ZMAT3: variants seen among roughly 807,000 people sequenced by gnomAD.
The protein encoded by ZMAT3 is zinc finger matrin-type protein 3.
In ZMAT3, 17 loss-of-function variants were observed where a neutral mutation model predicts 32.3. The observed-to-expected ratio is 0.53, with a 90% CI of 0.36 to 0.79. The LOEUF is 0.79. Among genes scored for constraint, ZMAT3 ranks in the 30% least tolerant of loss-of-function variants. The probability of loss-of-function intolerance (pLI) is 0.00; values close to 1 mark genes in which losing one functional copy is unlikely to be tolerated. For missense variants in ZMAT3, 329 were observed against 359.7 expected (o/e 0.91, Z 0.69); for synonymous variants, 120 against 133.1 (o/e 0.90, Z 0.68).
At chr3:179,056,142 T>C (rs1168182582) in intron 2 of ZMAT3, among the ~76,000 whole-genome samples, 1 of 152,178 alleles carries the variant, frequency 6.6e-6, no homozygotes, top group Non-Finnish European at 1.5e-5. Context: ...CACCTGACTC[T>C]ATTGAAGGCC....
intron 2 of ZMAT3, among the ~76,000 whole-genome samples, chr3:179,051,236 AC>A (rs1217573064): frequency 6.6e-6 from 1 of 152,124 alleles, no homozygotes; most frequent in Non-Finnish European, 1.5e-5. Flanking sequence ...TATCTAGAAA[AC>A]CCTAAAGACT....
chr3:179,056,175 T>G (rs1337638864), intron 2 of ZMAT3, among the ~76,000 whole-genome samples: 1 of 152,158 alleles, frequency 6.6e-6, no homozygotes, highest in Admixed American at 6.5e-5. Context: ...AGGATAAGTT[T>G]ATCACTCAGT....
intron 2 of ZMAT3, among the ~76,000 whole-genome samples, chr3:179,044,735 A>G (rs1379347338): frequency 2.0e-5 from 3 of 152,204 alleles, no homozygotes; most frequent in Non-Finnish European, 2.9e-5. Flanking sequence ...TTGCAGGGAC[A>G]TGGATGGAGC....
intron 2 of ZMAT3, among the ~76,000 whole-genome samples, chr3:179,048,402 C>T (rs1247435617): frequency 6.6e-6 from 1 of 152,196 alleles, no homozygotes; most frequent in Admixed American, 6.5e-5. Flanking sequence ...ATCTTAAGAG[C>T]TGTGAGGCAA....
chr3:179,026,336 TA>T (rs1718866004), intron 5 of ZMAT3, among the ~76,000 whole-genome samples: 1 of 151,600 alleles, frequency 6.6e-6, no homozygotes, highest in Non-Finnish European at 1.5e-5. Context: ...TTATTACAAT[TA>T]TTAATATATG....
At position 179,053,323 on chromosome 3, in the gene ZMAT3, A is replaced by G. The variant is rs537495857; in HGVS notation, c.270+14160T>C. Among the ~76,000 whole-genome samples, 81 of 151,518 alleles carry G rather than the reference A, an allele frequency of 5.3e-4. 1 individual carries two copies. The highest frequency in any genetic ancestry group is 9.9e-4 in the Non-Finnish European group (67 of 67,836). ...TAGAATATCTATAAAATTAGAATCC[A>G]TAAATCCCCAGTAATATAAATAACT... On this transcript the variant is annotated intron_variant, in intron 2 of 5. Coordinates refer to ENST00000311417, the MANE Select transcript of ZMAT3 (RefSeq NM_022470.4).
chr3:179,048,256 A>G (rs928218260), intron 2 of ZMAT3, among the ~76,000 whole-genome samples: 1 of 152,252 alleles, frequency 6.6e-6, no homozygotes, highest in Non-Finnish European at 1.5e-5. Context: ...TAATTGAGGA[A>G]AACTTCCTCA....
chr3:179,028,502 C>A (rs1216017529), intron 3 of ZMAT3, among the ~76,000 whole-genome samples: 1 of 152,170 alleles, frequency 6.6e-6, no homozygotes, highest in Non-Finnish European at 1.5e-5. Context: ...CATATATCAG[C>A]AACAGTTGCA....
rs373798668 is a variant in ZMAT3, at chr3:179,044,367, G to A, written c.271-13368C>T. Among the ~76,000 whole-genome samples, 172 of 152,206 alleles carry A rather than the reference G, an allele frequency of 1.1e-3. 4 individuals carry two copies. The South Asian group carries it at 0.033, about 29-fold the overall frequency. On this transcript the variant is annotated intron_variant, in intron 2 of 5. Coordinates refer to ENST00000311417, the MANE Select transcript of ZMAT3 (RefSeq NM_022470.4). ...ACTGGATGAAGAAAATGTGGTGGCC[G>A]GGCACGGTGGCTCACGCCTGTAATC...
chr3:179,030,565 A>G (rs1719126834), intron 3 of ZMAT3, among the ~76,000 whole-genome samples: 1 of 152,120 alleles, frequency 6.6e-6, no homozygotes, highest in African/African-American at 2.4e-5. Flanking sequence ...CGTGTTAGCC[A>G]TGATGGTCTC....
intron 2 of ZMAT3, among the ~76,000 whole-genome samples, chr3:179,054,798 G>A (rs775774990): frequency 1.3e-5 from 2 of 152,202 alleles, no homozygotes; most frequent in Non-Finnish European, 2.9e-5. Flanking sequence ...TGTCCACTGT[G>A]CTCCTGATCC....
At chr3:179,053,199 TATAAA>T (rs902070074) in intron 2 of ZMAT3, among the ~76,000 whole-genome samples, 11 of 150,620 alleles carry the variant, frequency 7.3e-5, no homozygotes, top group African/African-American at 2.4e-4. Flanking sequence ...TATCTATAGA[TATAAA>T]ATATATCTAG....
At chr3:179,025,350 T>G in intron 5 of ZMAT3, 122 bp from the exon 6 acceptor site, 1 of 819,258 alleles carries the variant, frequency 1.2e-6, no homozygotes, top group Non-Finnish European at 1.9e-6. Context: ...TTCTTAGCTT[T>G]AAGTGAATGT....
chr3:179,036,458 A>G (rs1005588173), intron 2 of ZMAT3, among the ~76,000 whole-genome samples: 2 of 152,178 alleles, frequency 1.3e-5, no homozygotes, highest in African/African-American at 2.4e-5. Flanking sequence ...GGAGACAGAT[A>G]ACAGCTTGCA....
chr3:179,055,394 TAA>T (rs973586262), intron 2 of ZMAT3, among the ~76,000 whole-genome samples: 1 of 151,936 alleles, frequency 6.6e-6, no homozygotes, highest in Non-Finnish European at 1.5e-5. Flanking sequence ...TTCTTTTCAT[TAA>T]GAGACAACTC....
chr3:179,066,312 C>G (rs1402286523), intron 2 of ZMAT3, among the ~76,000 whole-genome samples: 1 of 152,166 alleles, frequency 6.6e-6, no homozygotes, highest in Admixed American at 6.5e-5. Context: ...TAACTCAACT[C>G]TCTGCACCTG....
In ZMAT3 at chr3:179,023,128, A is replaced by T. The variant is rs1432522533; in HGVS notation, c.*1889T>A. 2 of 150,940 alleles carry T rather than the reference A, an allele frequency of 1.3e-5. No homozygotes were observed. Among genetic ancestry groups the T allele is most frequent in the Admixed American group, 1.3e-4 (2 of 15,140 alleles). 9.4% of individuals were successfully genotyped at this position (150,940 alleles called of 1,614,324 possible). A position where few individuals can be genotyped will look rare whatever the true frequency, so the allele number is the denominator to read the frequency against. On this transcript the variant is annotated 3_prime_UTR_variant, in exon 6 of 6. Transcript: ENST00000311417. ...TGTAGTTAATGAATATTCACAGAGC[A>T]CTCCATTAGTTAATCTAGATATATA...
At chr3:179,058,202 G>A (rs770501513) in intron 2 of ZMAT3, among the ~76,000 whole-genome samples, 1 of 152,110 alleles carries the variant, frequency 6.6e-6, no homozygotes, top group Non-Finnish European at 1.5e-5. Context: ...TGACGTGAAC[G>A]GCATACTCAC....
chr3:179,032,216 C>T lies in ZMAT3; in HGVS notation c.271-1217G>A, dbSNP rs572511799. 1.7e-3 allele frequency among the ~76,000 whole-genome samples: 262 copies of T among 151,890 alleles called. 2 individuals carry two copies. The highest frequency in any genetic ancestry group is 2.3e-3 in the Non-Finnish European group (154 of 67,918). ...ACGGGGTTTCGCCGTGTTGGCCGGG[C>T]TGGTCTCCAGCTCCTGACCGCGAGT... On this transcript the variant is annotated intron_variant, in intron 2 of 5. Transcript: ENST00000311417.
Sources: gnomAD v4.1 joint callset for allele counts (sites outside exome capture counted in the v4.1 genomes callset) on GRCh38, gnomAD v4.1.1 for gene constraint, MANE v1.5 for transcripts, NCBI Gene and HGNC (gene_info 2026-07-23, HGNC 2026-07-21) for gene names.